LNPEP: variants seen among roughly 807,000 people sequenced by gnomAD.
LNPEP encodes leucyl-cystinyl aminopeptidase.
A neutral mutation model predicts 120.6 loss-of-function variants in LNPEP; 64 were observed. The ratio of observed to expected loss-of-function variants is 0.53; its 90% CI spans 0.43 to 0.65. The LOEUF (loss-of-function observed/expected upper bound fraction) is 0.65, where lower values mean the gene tolerates loss of function less well. Among genes scored for constraint, LNPEP ranks in the 30% least tolerant of loss-of-function variants. The pLI, the probability that LNPEP is intolerant of heterozygous loss-of-function variation, is 0.00. For missense variants in LNPEP, 1,057 were observed against 1,200.0 expected, an observed-to-expected ratio of 0.88 and a Z score of 1.76; for synonymous variants, 435 against 425.4, an observed-to-expected ratio of 1.02 and a Z score of -0.28.
In LNPEP at chr5:97,013,852, G is replaced by A. The variant is rs530395057; in HGVS notation, c.2219+21G>A. 4.5e-6 allele frequency: 7 copies of A among 1,542,252 alleles called. No homozygotes were observed. The Admixed American group carries it at 6.4e-5, about 14-fold the overall frequency. ...GCAGGGTAGAGTATACTTAGTTTGA[G>A]ATTTTTTCTTTTTTTAAACAAATGT... On this transcript the variant is annotated intron_variant, in intron 12 of 17. Coordinates refer to ENST00000231368, the MANE Select transcript of LNPEP (RefSeq NM_005575.3).
chr5:96,937,123 C>T (rs1381277733), intron 1 of LNPEP: 1 of 152,238 alleles, frequency 6.6e-6, no homozygotes, highest in Non-Finnish European at 1.5e-5. Flanking sequence ...GATTCAGTCT[C>T]TGGTTGACAT....
In LNPEP at chr5:97,029,261, A is replaced by G. The variant is rs1421658490; in HGVS notation, c.*728A>G. 6.6e-6 allele frequency: 1 copy of G among 152,372 alleles called. No individual in the cohort carries two copies. Among genetic ancestry groups the G allele is most frequent in the Non-Finnish European group, 1.5e-5 (1 of 68,046 alleles). 9.4% of individuals were successfully genotyped at this position (152,372 alleles called of 1,614,324 possible). On this transcript the variant is annotated 3_prime_UTR_variant, in exon 18 of 18. Coordinates refer to ENST00000231368, the MANE Select transcript of LNPEP (RefSeq NM_005575.3). ...TTTTCATCTTTTATAGCGTTACCAT[A>G]GGAAACTGTTCCAAACTGAGTTAGC... is the stretch of plus-strand genomic sequence containing the variant.
intron 1 of LNPEP, among the ~76,000 whole-genome samples, chr5:96,956,709 T>C (rs1789477332): frequency 1.3e-5 from 2 of 152,342 alleles, no homozygotes; most frequent in South Asian, 4.1e-4. Flanking sequence ...TGATTGTTTC[T>C]TCAGATAATT....
At chr5:96,952,142 A>G (rs539582215) in intron 1 of LNPEP, among the ~76,000 whole-genome samples, 5 of 151,384 alleles carry the variant, frequency 3.3e-5, no homozygotes, top group Non-Finnish European at 7.4e-5. Context: ...AATAAAATTT[A>G]AAAAAAAGAG....
intron 1 of LNPEP, among the ~76,000 whole-genome samples, chr5:96,942,686 GACACAGGGTGGGGA>G (rs1422772233): frequency 8.6e-5 from 12 of 139,524 alleles, no homozygotes; most frequent in Non-Finnish European, 1.5e-4. Flanking sequence ...AGAACACTTG[GACACAGGGTGGGGA>G]ACACCACACA....
intron 1 of LNPEP, chr5:96,962,905 G>A (rs1019225504): frequency 6.6e-6 from 1 of 152,022 alleles, no homozygotes; most frequent in Non-Finnish European, 1.5e-5. Context: ...TACTTTTTCA[G>A]TGTCTAACCT....
chr5:96,983,032 G>A (rs576195402), intron 2 of LNPEP, among the ~76,000 whole-genome samples: 1 of 152,288 alleles, frequency 6.6e-6, no homozygotes, highest in South Asian at 2.1e-4. Context: ...GTGTTTGGCA[G>A]TGGATTCTAT....
intron 11 of LNPEP, 67 bp downstream of exon 11, chr5:97,006,582 A>G: frequency 1.2e-6 from 1 of 849,620 alleles, no homozygotes; most frequent in Non-Finnish European, 2.0e-6. Flanking sequence ...GAGTGCATAT[A>G]TAAGATTACA....
chr5:96,989,509 T>C (rs1428549298), intron 4 of LNPEP, among the ~76,000 whole-genome samples: 3 of 149,238 alleles, frequency 2.0e-5, no homozygotes, highest in African/African-American at 7.4e-5. Context: ...TTAACCTTCT[T>C]TGAGAGCTGA....
chr5:96,962,994 C>T (rs528514602), intron 1 of LNPEP, among the ~76,000 whole-genome samples: 18 of 152,222 alleles, frequency 1.2e-4, no homozygotes, highest in African/African-American at 4.3e-4. Flanking sequence ...AGAAAAAGCT[C>T]ACAGCTGCAC....
chr5:96,967,057 C>T (rs1041796442), intron 1 of LNPEP, among the ~76,000 whole-genome samples: 5 of 152,040 alleles, frequency 3.3e-5, no homozygotes, highest in Non-Finnish European at 1.5e-5. Context: ...CGTGGAGAAC[C>T]CTCAGGTATA....
intron 1 of LNPEP, among the ~76,000 whole-genome samples, chr5:96,954,498 A>G (rs534930598): frequency 1.3e-5 from 2 of 151,776 alleles, no homozygotes; most frequent in East Asian, 3.9e-4. Flanking sequence ...AGAATGTGCA[A>G]TAATTGTTCA....
chr5:97,018,563 T>C (rs3797787), intron 13 of LNPEP, among the ~76,000 whole-genome samples: 2,179 of 152,242 alleles, frequency 0.014, 53 homozygotes, highest in South Asian at 0.087. Context: ...CAGTTAACTT[T>C]AGCTCACCAA....
intron 1 of LNPEP, chr5:96,936,443 G>C (rs1044730406): frequency 1.1e-5 from 4 of 377,122 alleles, no homozygotes; most frequent in Non-Finnish European, 1.9e-5. Flanking sequence ...GCAAAGTTTG[G>C]GCTGCTGTGC....
intron 1 of LNPEP, among the ~76,000 whole-genome samples, chr5:96,966,917 G>A (rs1789740330): frequency 6.6e-6 from 1 of 152,032 alleles, no homozygotes; most frequent in Admixed American, 6.6e-5. Flanking sequence ...GCACACATTA[G>A]TAGGTAAATT....
chr5:96,976,750 T>TA (rs61664403), intron 1 of LNPEP, among the ~76,000 whole-genome samples: 5,095 of 148,084 alleles, frequency 0.034, 275 homozygotes, highest in African/African-American at 0.12. Context: ...ATTTTTAAAT[T>TA]AAAAAAAAAA....
At chr5:96,981,597 C>G (rs1465912622) in intron 2 of LNPEP, among the ~76,000 whole-genome samples, 1 of 152,100 alleles carries the variant, frequency 6.6e-6, no homozygotes, top group Non-Finnish European at 1.5e-5. Context: ...GGTCAATATT[C>G]TGATGGGAAG....
intron 13 of LNPEP, among the ~76,000 whole-genome samples, chr5:97,021,638 T>C (rs1791198978): frequency 6.6e-6 from 1 of 152,164 alleles, no homozygotes; most frequent in African/African-American, 2.4e-5. Flanking sequence ...AGTGATACTT[T>C]TTGGCAGGAA....
intron 11 of LNPEP, among the ~76,000 whole-genome samples, 180 bp downstream of exon 11, chr5:97,006,695 A>G (rs962923679): frequency 6.6e-6 from 1 of 152,250 alleles, no homozygotes; most frequent in African/African-American, 2.4e-5. Context: ...ACTGGCTTTT[A>G]GCCATGTGAA....
Sources: gnomAD v4.1 joint callset for allele counts (sites outside exome capture counted in the v4.1 genomes callset) on GRCh38, gnomAD v4.1.1 for gene constraint, MANE v1.5 for transcripts, NCBI Gene and HGNC (gene_info 2026-07-23, HGNC 2026-07-21) for gene names.